MMP27: variants seen among roughly 807,000 people sequenced by gnomAD.
The protein encoded by MMP27 is matrix metallopeptidase 27.
A neutral mutation model predicts 48.1 loss-of-function variants in MMP27; 51 were observed. The ratio of observed to expected loss-of-function variants is 1.06; its 90% confidence interval spans 0.85 to 1.34. The LOEUF is 1.34. Among genes scored for constraint, MMP27 ranks in the 40% most tolerant of loss-of-function variants. The pLI is 0.00. For synonymous variants in MMP27, 229 were observed against 208.9 expected (o/e 1.10, Z -0.83); for missense variants, 698 against 619.3 (o/e 1.13, Z -1.35).
rs757302955 is a variant in MMP27, at chr11:102,692,937, C to G, written c.1297+1G>C. 2 of 1,611,714 alleles carry G rather than the reference C, an allele frequency of 1.2e-6. No homozygotes were observed. The highest frequency in any genetic ancestry group is 1.7e-6 in the Non-Finnish European group (2 of 1,178,112). On this transcript the variant is annotated splice_donor_variant, in intron 9 of 9. Coordinates refer to ENST00000260229, the MANE Select transcript of MMP27 (RefSeq NM_022122.3). LOFTEE classifies it high-confidence loss of function. The stretch of plus-strand genomic sequence containing the variant: ...CCAATAAGTGAGACATCCATGCTTA[C>G]CTTTGTACTGGAAAGCAGCATCAAC...
At chr11:102,702,912 T>G (rs1329664834) in intron 3 of MMP27, 31 bp from the exon 4 acceptor site, 1 of 1,611,844 alleles carries the variant, frequency 6.2e-7, no homozygotes, top group Non-Finnish European at 8.5e-7. Context: ...GGAAAAAAGA[T>G]CAGCTTCCTC....
At chr11:102,692,916 T>C (rs1484344320) in intron 9 of MMP27, 22 bp downstream of exon 9, 1 of 1,577,490 alleles carries the variant, frequency 6.3e-7, no homozygotes, top group Non-Finnish European at 8.7e-7. Flanking sequence ...AGTATCCCAA[T>C]AAGTGAGACA....
chr11:102,704,806 A>G, intron 1 of MMP27, 31 bp from the exon 2 acceptor site: 2 of 1,364,142 alleles, frequency 1.5e-6, no homozygotes, highest in African/African-American at 2.9e-5. Context: ...AAAAAAAAAG[A>G]GGCACAGACT....
chr11:102,704,276 G>T (rs879637014), intron 2 of MMP27, among the ~76,000 whole-genome samples: 2 of 152,220 alleles, frequency 1.3e-5, no homozygotes, highest in African/African-American at 4.8e-5. Context: ...CTAGAGATGA[G>T]AGCATGTCTG....
At chr11:102,693,202 T>G (rs184752181) in intron 8 of MMP27, among the ~76,000 whole-genome samples, 161 bp from the exon 9 acceptor site, 28 of 152,324 alleles carry the variant, frequency 1.8e-4, no homozygotes, top group African/African-American at 6.7e-4. Context: ...AGATTATGTT[T>G]GGTTGAATCA....
Position 102,703,069 on chromosome 11 carries a change from T to C in MMP27, c.391A>G (p.Ile131Val), listed in dbSNP as rs751085021. 1 of 1,614,188 alleles carries C rather than the reference T, an allele frequency of 6.2e-7. No homozygotes were observed. The highest frequency in any genetic ancestry group is 2.2e-5 in the East Asian group (1 of 44,888). The change falls in exon 3 of 10, where the codon ATC becomes GTC. Residue 131 changes from isoleucine to valine, a missense_variant. Physicochemically the swap from Ile to Val is conservative, Grantham distance 29 (BLOSUM62 3). Transcript: ENST00000260229. ...DMARAAVDEA[I>V]QEGLEVWSKV... ...CTCCACACTTCTAAACCTTCTTGGA[T>C]AGCCTCATCCACAGCAGCTCGTGCC...
In MMP27 at chr11:102,696,422, G is replaced by T; in HGVS notation, c.851C>A (p.Thr284Asn). 1 of 1,613,876 alleles carries T rather than the reference G, an allele frequency of 6.2e-7. No homozygotes were observed. Among genetic ancestry groups the T allele is most frequent in the Non-Finnish European group, 8.5e-7 (1 of 1,179,864 alleles). Residue 284 changes from threonine to asparagine, a missense_variant, in exon 6 of 10, where the codon ACT becomes AAT. By Grantham distance (65) the Thr-to-Asn change is moderately conservative (BLOSUM62 0). Coordinates refer to ENST00000260229, the MANE Select transcript of MMP27 (RefSeq NM_022122.3). The stretch of plus-strand genomic sequence containing the variant: ...GCGGAAAGTTGTGATAGCGTCAAAA[G>T]TCAAGTCAGGGTCACAGGCATGGGG... ...TIPHACDPDL[T>N]FDAITTFRRE... is the part of the protein sequence containing the mutation.
In MMP27 at chr11:102,694,074, A is replaced by G; in HGVS notation, c.1034-9T>C. 1.9e-6 allele frequency: 3 copies of G among 1,540,270 alleles called. No homozygotes were observed. Among genetic ancestry groups the G allele is most frequent in the Middle Eastern group, 1.7e-4 (1 of 5,766 alleles). ...CATCCAGAAGTTTTCATCTAGGAAG[A>G]GAGGAGTGATTATTTATTTTCTAGA... is the stretch of plus-strand genomic sequence containing the variant. On this transcript the variant is annotated splice_polypyrimidine_tract_variant and intron_variant, in intron 7 of 9. Coordinates refer to ENST00000260229, the MANE Select transcript of MMP27 (RefSeq NM_022122.3).
rs200981413 is a variant in MMP27, at chr11:102,691,935, C to A, written c.1373G>T (p.Arg458Ile). 2.0e-4 allele frequency: 316 copies of A among 1,613,298 alleles called. No individual in the cohort carries two copies. Among genetic ancestry groups the A allele is most frequent in the Non-Finnish European group, 2.5e-4 (299 of 1,179,716 alleles). Residue 458 changes from arginine (R) to isoleucine (I), a missense_variant, in exon 10 of 10, where the codon AGA becomes ATA. Arg to Ile is a moderately conservative substitution (Grantham distance 97). Coordinates refer to ENST00000260229, the MANE Select transcript of MMP27 (RefSeq NM_022122.3). ...TTTGCATTGAAACCAAGTATTAGTT[C>A]TCATGATTCGGGTAATATTCTTTGT... ...IKTKNITRIM[R>I]TNTWFQCKEP...
intron 9 of MMP27, among the ~76,000 whole-genome samples, 169 bp from the exon 10 acceptor site, chr11:102,692,179 T>G (rs1383882877): frequency 1.3e-5 from 2 of 152,224 alleles, no homozygotes; most frequent in Admixed American, 6.5e-5. Context: ...CCTATTATTT[T>G]TATTTCCCTA....
chr11:102,697,439 A>G (rs1395780147), intron 4 of MMP27, among the ~76,000 whole-genome samples: 7 of 152,192 alleles, frequency 4.6e-5, no homozygotes, highest in African/African-American at 1.7e-4. Flanking sequence ...TAGACACTTA[A>G]GCTACACCAA....
intron 9 of MMP27, 110 bp downstream of exon 9, chr11:102,692,828 A>T (rs1591655260): frequency 2.5e-6 from 2 of 806,322 alleles, no homozygotes; most frequent in Non-Finnish European, 4.1e-6. Context: ...GTATATACTT[A>T]AGAGTAGCAA....
chr11:102,696,018 G>T (rs1271145972), intron 6 of MMP27, among the ~76,000 whole-genome samples: 1 of 152,102 alleles, frequency 6.6e-6, no homozygotes, highest in Non-Finnish European at 1.5e-5. Context: ...GATGTGAACT[G>T]GTTTGCAAAA....
intron 4 of MMP27, among the ~76,000 whole-genome samples, chr11:102,698,332 C>T (rs1048732170): frequency 2.0e-5 from 3 of 152,076 alleles, no homozygotes; most frequent in African/African-American, 7.2e-5. Context: ...TCGAATGGGA[C>T]CACTGTCATA....
chr11:102,700,393 A>C (rs1276867002), intron 4 of MMP27, among the ~76,000 whole-genome samples: 5 of 152,212 alleles, frequency 3.3e-5, no homozygotes, highest in African/African-American at 1.2e-4. Flanking sequence ...CCTAGTTATC[A>C]TTATCATCAT....
chr11:102,692,204 G>T (rs569299097), intron 9 of MMP27, among the ~76,000 whole-genome samples, 194 bp from the exon 10 acceptor site: 1 of 152,350 alleles, frequency 6.6e-6, no homozygotes, highest in South Asian at 2.1e-4. Context: ...GGAAGCCAGT[G>T]TTATAAAGGG....
At chr11:102,700,883 C>T (rs1345439946) in intron 4 of MMP27, among the ~76,000 whole-genome samples, 1 of 152,272 alleles carries the variant, frequency 6.6e-6, no homozygotes, top group African/African-American at 2.4e-5. Context: ...TTAATAGCAT[C>T]ATTGGCAGAT....
At chr11:102,700,698 G>A (rs1046995551) in intron 4 of MMP27, among the ~76,000 whole-genome samples, 10 of 152,260 alleles carry the variant, frequency 6.6e-5, no homozygotes, top group African/African-American at 2.4e-4. Flanking sequence ...CACTGCATCT[G>A]TAGCAGTCTG....
rs747053945 is a variant in MMP27 at position 102,704,792 on chromosome 11, GA to G, written c.103-18del. ...GAGATATGCCTGACCAAAAAGATAA[GA>G]AAAAAAAAAAAGAGGCACAGACTAC... On this transcript the variant is annotated intron_variant, in intron 1 of 9. Coordinates refer to ENST00000260229, the MANE Select transcript of MMP27 (RefSeq NM_022122.3). 0.037 allele frequency: 37,435 copies of G among 1,022,938 alleles called. 1 individual carries two copies. Among genetic ancestry groups the G allele is most frequent in the South Asian group, 0.058 (3,004 of 51,826 alleles). 63.4% of individuals were successfully genotyped at this position (1,022,938 alleles called of 1,614,324 possible).
Sources: gnomAD v4.1 joint callset for allele counts (sites outside exome capture counted in the v4.1 genomes callset) on GRCh38, gnomAD v4.1.1 for gene constraint, MANE v1.5 for transcripts, NCBI Gene and HGNC (gene_info 2026-07-23, HGNC 2026-07-21) for gene names.